Variants in SLCO1A2 observed in about 807,000 individuals in gnomAD.
SLCO1A2 encodes the protein solute carrier organic anion transporter family member 1A2.
In SLCO1A2, 67 loss-of-function variants were observed where a neutral mutation model predicts 69.0. The ratio of observed to expected loss-of-function variants is 0.97; its 90% CI spans 0.80 to 1.19. The LOEUF (loss-of-function observed/expected upper bound fraction) is 1.19. SLCO1A2 is among the 50% of genes most tolerant of loss of function. The pLI, the probability that SLCO1A2 is intolerant of heterozygous loss-of-function variation, is 0.00. For missense variants in SLCO1A2, 787 were observed against 793.7 expected (o/e 0.99, Z 0.10); for synonymous variants, 260 against 265.9 (o/e 0.98, Z 0.22).
intron 12 of SLCO1A2, among the ~76,000 whole-genome samples, chr12:21,285,034 T>TA (rs1945490765): frequency 9.0e-6 from 1 of 111,544 alleles, no homozygotes; most frequent in Admixed American, 8.5e-5. Flanking sequence ...AATAGAGACA[T>TA]AAAAAACCCT....
chr12:21,338,440 C>T (rs1218149408), upstream of SLCO1A2, among the ~76,000 whole-genome samples: 2 of 151,806 alleles, frequency 1.3e-5, no homozygotes, highest in Non-Finnish European at 2.9e-5. Flanking sequence ...ATTGGTTTAG[C>T]CACAATCCCT....
chr12:21,402,470 C>T (rs1483011980), intron 1 of SLCO1A2, among the ~76,000 whole-genome samples: 1 of 151,974 alleles, frequency 6.6e-6, no homozygotes, highest in Non-Finnish European at 1.5e-5. Context: ...TAGCACAATA[C>T]CCTTATTTTT....
intron 1 of SLCO1A2, among the ~76,000 whole-genome samples, chr12:21,408,378 T>C (rs1417219661): frequency 1.3e-5 from 2 of 152,052 alleles, no homozygotes; most frequent in East Asian, 1.9e-4. Flanking sequence ...TCATCATTCC[T>C]CCCTCAGCAA....
chr12:21,309,574 A>G (rs1949851936), intron 4 of SLCO1A2, among the ~76,000 whole-genome samples: 1 of 152,240 alleles, frequency 6.6e-6, no homozygotes, highest in South Asian at 2.1e-4. Context: ...CTAGAATTTT[A>G]TCCAAGCCAA....
intron 11 of SLCO1A2, among the ~76,000 whole-genome samples, chr12:21,292,614 GA>G (rs1565476397): frequency 6.6e-6 from 1 of 151,104 alleles, no homozygotes; most frequent in African/African-American, 2.4e-5. Flanking sequence ...TTATTTTTTT[GA>G]AACAGAGACT....
intron 2 of SLCO1A2, among the ~76,000 whole-genome samples, chr12:21,326,846 T>A (rs1297753018): frequency 6.6e-6 from 1 of 152,104 alleles, no homozygotes; most frequent in African/African-American, 2.4e-5. Context: ...AAGCAAAGCA[T>A]GAAAGTTAGG....
intron 4 of SLCO1A2, among the ~76,000 whole-genome samples, chr12:21,312,019 G>GGAGGAGGAGAAGAAGAAGAGGAAGAAGAA (rs1286075459): frequency 2.0e-5 from 3 of 149,586 alleles, no homozygotes; most frequent in Middle Eastern, 3.4e-3. Flanking sequence ...AGAGGAGGAG[G>GGAGGAGGAGAAGAAGAAGAGGAAGAAGAA]GAGGAGGAGA....
At chr12:21,397,421 A>G (rs1941510764), upstream of SLCO1A2, among the ~76,000 whole-genome samples, 1 of 152,132 alleles carries the variant, frequency 6.6e-6, no homozygotes, top group Admixed American at 6.5e-5. Context: ...CACATTAATA[A>G]TGGGAGACTT....
chr12:21,318,165 G>C (rs1394476730), intron 3 of SLCO1A2, among the ~76,000 whole-genome samples: 1 of 147,900 alleles, frequency 6.8e-6, no homozygotes, highest in Non-Finnish European at 1.5e-5. Context: ...CTCTCACCCA[G>C]GCTGGAGTGC....
chr12:21,271,543 T>C (rs1942840388), intron 14 of SLCO1A2, among the ~76,000 whole-genome samples: 1 of 151,020 alleles, frequency 6.6e-6, no homozygotes, highest in Non-Finnish European at 1.5e-5. Context: ...TTGTTCTTTT[T>C]CTAAATTCTG....
At chr12:21,417,529 C>T (rs1192757766) in intron 1 of SLCO1A2, among the ~76,000 whole-genome samples, 2 of 150,032 alleles carry the variant, frequency 1.3e-5, no homozygotes, top group Admixed American at 6.7e-5. Context: ...AAATAATTGC[C>T]TTAAAAGAGG....
intron 1 of SLCO1A2, among the ~76,000 whole-genome samples, chr12:21,380,451 C>A (rs577282463): frequency 1.3e-5 from 2 of 152,146 alleles, no homozygotes; most frequent in African/African-American, 4.8e-5. Context: ...TATATGGATA[C>A]AGCAGATATT....
upstream of SLCO1A2, among the ~76,000 whole-genome samples, chr12:21,338,371 C>T (rs12811254): frequency 0.021 from 3,125 of 151,876 alleles, 48 homozygotes; most frequent in Non-Finnish European, 0.029. Flanking sequence ...CTACATCCCC[C>T]GGAACCCCCC....
chr12:21,283,407 T>G (rs112261153), intron 12 of SLCO1A2, among the ~76,000 whole-genome samples: 5,031 of 152,140 alleles, frequency 0.033, 77 homozygotes, highest in Middle Eastern at 0.051. Flanking sequence ...CTTGCCATAT[T>G]CAAAAATCAA....
At chr12:21,276,002 A>G (rs1351919608) in intron 12 of SLCO1A2, among the ~76,000 whole-genome samples, 1 of 152,174 alleles carries the variant, frequency 6.6e-6, no homozygotes, top group Admixed American at 6.6e-5. Flanking sequence ...CTGCAGTAAG[A>G]ATAACAATAA....
chr12:21,282,962 A>C (rs1435196646), intron 12 of SLCO1A2, among the ~76,000 whole-genome samples: 1 of 152,174 alleles, frequency 6.6e-6, no homozygotes, highest in Non-Finnish European at 1.5e-5. Context: ...TATGCTCATA[A>C]ATTGAAAGAA....
rs41275210 is a variant in SLCO1A2 at position 21,378,936 on chromosome 12, G to A, written c.-189-4411C>T. 1,015 of 154,480 alleles carry A rather than the reference G, an allele frequency of 6.6e-3. 4 individuals are homozygous for A. The Middle Eastern group carries it at 0.067, about 10-fold the overall frequency. 9.6% of individuals were successfully genotyped at this position (154,480 alleles called of 1,614,324 possible). A position where few individuals can be genotyped will look rare whatever the true frequency, so the allele number is the denominator to read the frequency against. Reference sequence around the variant, plus strand: ...CTAAAAATACAAAAATTAGCCGGGGGTGGTGACATGTGCCTGTAATCCCAG... The same window carrying A: ...CTAAAAATACAAAAATTAGCCGGGGATGGTGACATGTGCCTGTAATCCCAG... On this transcript the variant is annotated intron_variant, in intron 1 of 15. Coordinates refer to the SLCO1A2 transcript ENST00000307378.
chr12:21,418,632 C>A (rs2900485), upstream of SLCO1A2, among the ~76,000 whole-genome samples: 1 of 152,024 alleles, frequency 6.6e-6, no homozygotes, highest in South Asian at 2.1e-4. Context: ...TTCACTACCA[C>A]GAGAACAGTA....
intron 1 of SLCO1A2, among the ~76,000 whole-genome samples, chr12:21,375,382 A>G (rs1398889429): frequency 6.6e-6 from 1 of 152,218 alleles, no homozygotes; most frequent in African/African-American, 2.4e-5. Flanking sequence ...CATATCTCAC[A>G]GAAAGCTAGG....
Sources: allele counts gnomAD v4.1 joint callset (sites outside exome capture counted in the v4.1 genomes callset), GRCh38; gene constraint gnomAD v4.1.1; transcripts MANE v1.5; gene names NCBI Gene and HGNC (gene_info 2026-07-23, HGNC 2026-07-21).